Variants in PRKN observed in about 807,000 individuals in gnomAD.
PRKN encodes the protein parkin RBR E3 ubiquitin protein ligase, also known as E3 ubiquitin-protein ligase parkin.
PRKN carries 56 observed loss-of-function variants against 59.5 expected under a neutral mutation model. The observed-to-expected ratio is 0.94, with a 90% confidence interval of 0.76 to 1.18. The LOEUF is 1.18. Ranked by LOEUF, PRKN falls within the 50% of genes most tolerant of loss-of-function variation. The pLI is 0.00. For missense variants in PRKN, 657 were observed against 596.4 expected, an observed-to-expected ratio of 1.10 and a Z score of -1.06; for synonymous variants, 250 against 222.1, an observed-to-expected ratio of 1.13 and a Z score of -1.12.
chr6:161,364,495 A>G (rs1412292626), intron 10 of PRKN, among the ~76,000 whole-genome samples: 1 of 150,842 alleles, frequency 6.6e-6, no homozygotes, highest in African/African-American at 2.4e-5. Context: ...AAAAAAAAAA[A>G]AAAAGAAACA....
rs1046516074 is a variant in PRKN, at chr6:161,948,903, T to C, written c.734+24399A>G. Among the ~76,000 whole-genome samples, 3 of 152,332 alleles carry C rather than the reference T, an allele frequency of 2.0e-5. No homozygotes were observed. The South Asian group carries it at 6.2e-4, about 32-fold the overall frequency. On this transcript the variant is annotated intron_variant, in intron 6 of 11. Transcript: ENST00000366898. ...CTGCCATTATCCGTACATGTTCTCATGTAGTATAAAAAGTCGCAGGAAGCT... is the reference window on the plus strand; with the variant it reads ...CTGCCATTATCCGTACATGTTCTCACGTAGTATAAAAAGTCGCAGGAAGCT...
intron 6 of PRKN, among the ~76,000 whole-genome samples, chr6:161,860,723 T>G (rs1053201749): frequency 6.6e-6 from 1 of 152,160 alleles, no homozygotes; most frequent in African/African-American, 2.4e-5. Context: ...TAGTTTCTTG[T>G]GCTGTGCAGA....
At chr6:162,243,046 C>G (rs1412218613) in intron 3 of PRKN, among the ~76,000 whole-genome samples, 2 of 151,774 alleles carry the variant, frequency 1.3e-5, no homozygotes, top group Non-Finnish European at 2.9e-5. Flanking sequence ...ATCTTGCAGA[C>G]TTGTAGGATC....
intron 4 of PRKN, among the ~76,000 whole-genome samples, chr6:162,071,369 C>T (rs1778567885): frequency 1.3e-5 from 2 of 151,726 alleles, no homozygotes; most frequent in Middle Eastern, 3.4e-3. Context: ...TTCAAAGTAC[C>T]TTAGTAATAT....
At chr6:162,026,344 T>G (rs1234468374) in intron 5 of PRKN, among the ~76,000 whole-genome samples, 1 of 152,196 alleles carries the variant, frequency 6.6e-6, no homozygotes, top group Non-Finnish European at 1.5e-5. Flanking sequence ...TCTCTCATTG[T>G]AAATAGAGGC....
intron 2 of PRKN, among the ~76,000 whole-genome samples, chr6:162,340,023 C>G (rs1489848364): frequency 6.1e-5 from 9 of 146,982 alleles, no homozygotes; most frequent in Non-Finnish European, 1.3e-4. Context: ...GGTCCTCTGC[C>G]TAGGAAAACC....
intron 1 of PRKN, among the ~76,000 whole-genome samples, chr6:162,474,522 A>T (rs1191208213): frequency 6.6e-6 from 1 of 152,178 alleles, no homozygotes; most frequent in Non-Finnish European, 1.5e-5. Flanking sequence ...AAATCACAGG[A>T]AAGTTGTTGT....
chr6:162,166,047 CAAAAAAA>C (rs10557222), intron 4 of PRKN, among the ~76,000 whole-genome samples: 1,088 of 80,238 alleles, frequency 0.014, 20 homozygotes, highest in African/African-American at 0.053. Flanking sequence ...GACTCTATCT[CAAAAAAA>C]AAAAAAAAAA....
intron 2 of PRKN, among the ~76,000 whole-genome samples, chr6:162,287,669 T>G (rs946850710): frequency 2.6e-5 from 4 of 152,192 alleles, no homozygotes; most frequent in Admixed American, 2.6e-4. Flanking sequence ...CATTCTTTTG[T>G]GATTCATATT....
In PRKN at chr6:162,303,312, C is replaced by T. The variant is rs116250478; in HGVS notation, c.172-40547G>A. Reference sequence around the variant, plus strand: ...CAAAGAACTTTGATTTTTGCCTCACCTAAGACAGCAAGTCTATTCCCCCAA... The same window carrying T: ...CAAAGAACTTTGATTTTTGCCTCACTTAAGACAGCAAGTCTATTCCCCCAA... On this transcript the variant is annotated intron_variant, in intron 2 of 11. Coordinates refer to ENST00000366898, the MANE Select transcript of PRKN (RefSeq NM_004562.3). 3.9e-5 allele frequency among the ~76,000 whole-genome samples: 6 copies of T among 152,214 alleles called. No homozygotes were observed. In the East Asian group the frequency reaches 7.7e-4, roughly 20 times the overall value.
intron 1 of PRKN, among the ~76,000 whole-genome samples, chr6:162,647,976 A>AAAAAG (rs1423333479): frequency 4.1e-5 from 6 of 146,296 alleles, no homozygotes; most frequent in African/African-American, 7.5e-5. Context: ...AAAAAAAAAA[A>AAAAAG]AGTCTACGGG....
chr6:161,562,058 C>T lies in PRKN; in HGVS notation c.933+7297G>A, dbSNP rs1780475159. ...CTGGAAGGCCCGCCTTCTCAGCTTC[C>T]CCAACACCATAAATCAGCATTCCTC... On this transcript the variant is annotated intron_variant, in intron 8 of 11. Coordinates refer to ENST00000366898, the MANE Select transcript of PRKN (RefSeq NM_004562.3). The surrounding 1 kb of genome is among the most constrained non-coding windows in gnomAD (Gnocchi z 4.3). Among the ~76,000 whole-genome samples the T allele has an allele frequency of 1.3e-5, 2 of 149,432 alleles. No homozygotes were observed. Among genetic ancestry groups the T allele is most frequent in the South Asian group, 4.3e-4 (2 of 4,680 alleles).
intron 6 of PRKN, among the ~76,000 whole-genome samples, chr6:161,870,280 A>C (rs1220767175): frequency 1.3e-5 from 2 of 151,874 alleles, no homozygotes; most frequent in African/African-American, 4.8e-5. Context: ...AAGCCCCCCC[A>C]CAGCTCAGCA....
At chr6:162,063,473 A>C (rs1344052667) in intron 4 of PRKN, among the ~76,000 whole-genome samples, 1 of 152,240 alleles carries the variant, frequency 6.6e-6, no homozygotes, top group African/African-American at 2.4e-5. Flanking sequence ...CGGTGAGGAT[A>C]AAGATTAACA....
At position 161,853,246 on chromosome 6, in the gene PRKN, C is replaced by T. The variant is rs556387373; in HGVS notation, c.735-67338G>A. Among the ~76,000 whole-genome samples the T allele has an allele frequency of 2.0e-5, 3 of 152,210 alleles. No individual in the cohort carries two copies. In the South Asian group the frequency reaches 6.2e-4, roughly 32 times the overall value. On this transcript the variant is annotated intron_variant, in intron 6 of 11. Coordinates refer to ENST00000366898, the MANE Select transcript of PRKN (RefSeq NM_004562.3). ...ACTGTTTTTACTTTCTTATATGTAT[C>T]TCAGTGATTTGACCCTGGTTTTATG...
chr6:162,616,697 C>A (rs1461623335), intron 1 of PRKN, among the ~76,000 whole-genome samples: 1 of 152,140 alleles, frequency 6.6e-6, no homozygotes, highest in Non-Finnish European at 1.5e-5. Context: ...AATTGCTACT[C>A]CTCTGAATTG....
intron 2 of PRKN, among the ~76,000 whole-genome samples, chr6:162,354,780 G>A (rs1784775879): frequency 6.6e-6 from 1 of 151,940 alleles, no homozygotes; most frequent in Non-Finnish European, 1.5e-5. Flanking sequence ...TGTCTTTACT[G>A]TGTCTATCAA....
At chr6:161,738,114 A>T (rs769142495) in intron 7 of PRKN, among the ~76,000 whole-genome samples, 1 of 152,224 alleles carries the variant, frequency 6.6e-6, no homozygotes, top group Non-Finnish European at 1.5e-5. Context: ...TTTTCTTAAA[A>T]ATGCAGATGA....
chr6:162,325,763 T>C (rs896122686), intron 2 of PRKN, among the ~76,000 whole-genome samples: 4 of 152,230 alleles, frequency 2.6e-5, no homozygotes, highest in African/African-American at 9.6e-5. Flanking sequence ...CAAGTTATTA[T>C]TTTGCAAGTT....
Sources: allele counts gnomAD v4.1 joint callset (sites outside exome capture counted in the v4.1 genomes callset), GRCh38; gene constraint gnomAD v4.1.1; non-coding constraint Gnocchi (gnomAD v3.1); transcripts MANE v1.5; gene names NCBI Gene and HGNC (gene_info 2026-07-23, HGNC 2026-07-21).